HMCN2: variants seen among roughly 807,000 people sequenced by gnomAD.
The protein encoded by HMCN2 is hemicentin 2, also known as hemicentin-2.
A neutral mutation model predicts 377.5 loss-of-function variants in HMCN2; 325 were observed. The observed-to-expected ratio is 0.86, with a 90% CI of 0.79 to 0.94. HMCN2 has a LOEUF of 0.94. Ranked by LOEUF, HMCN2 falls within the 40% of genes least tolerant of loss-of-function variation. The pLI, the probability that HMCN2 is intolerant of heterozygous loss-of-function variation, is 0.00. For missense variants in HMCN2, 4,543 were observed against 4,725.3 expected, an observed-to-expected ratio of 0.96 and a Z score of 1.13; for synonymous variants, 2,007 against 2,046.8, an observed-to-expected ratio of 0.98 and a Z score of 0.53.
In HMCN2 at chr9:130,433,680, C is replaced by A; in HGVS notation, c.15227C>A (p.Pro5076His). 6.7e-7 allele frequency: 1 copy of A among 1,490,722 alleles called. No individual in the cohort carries two copies. The highest frequency in any genetic ancestry group is 8.9e-7 in the Non-Finnish European group (1 of 1,123,926). The allele number at this position is 1,490,722 out of a possible 1,614,324, so 92.3% of individuals were successfully genotyped here. A position where few individuals can be genotyped will look rare whatever the true frequency, so the allele number is the denominator to read the frequency against. The part of the protein sequence containing the change: ...SVFVLLIAVS[P>H]YPY ...TTCGTCTTGCTCATCGCCGTGTCCC[C>A]CTACCCCTACTAAACGGGAGAGGGC... Residue 5076 changes from proline (P) to histidine (H), a missense_variant, in exon 98 of 98, where the codon CCC becomes CAC. Physicochemically the swap from Pro to His is moderately conservative, Grantham distance 77. Transcript: ENST00000683500.
chr9:130,413,671 C>G (rs559907281), intron 85 of HMCN2, among the ~76,000 whole-genome samples: 122 of 152,208 alleles, frequency 8.0e-4, no homozygotes, highest in African/African-American at 2.7e-3. Flanking sequence ...TCCCTTATAT[C>G]CTGGGCCGCA....
intron 6 of HMCN2, among the ~76,000 whole-genome samples, chr9:130,296,266 C>T (rs1554932040): frequency 2.0e-5 from 3 of 152,216 alleles, no homozygotes; most frequent in African/African-American, 7.2e-5. Flanking sequence ...TATTGAGCAC[C>T]TTCTGCAGGC....
At position 130,403,893 on chromosome 9, in the gene HMCN2, G is replaced by T. The variant is rs758466268; in HGVS notation, c.12148+18G>T. On this transcript the variant is annotated intron_variant, in intron 80 of 97. Transcript: ENST00000683500. ...GGTGCAAGGTGGGAGTGAGGACGGG[G>T]CCGAGGTGGGCCCTGGCAACTGAGG... The T allele has an allele frequency of 2.3e-6, 3 of 1,284,248 alleles. No homozygotes were observed. 79.6% of individuals were successfully genotyped at this position (1,284,248 alleles called of 1,614,324 possible).
Position 130,393,693 on chromosome 9 carries a change from G to A in HMCN2, c.10235-49G>A, listed in dbSNP as rs1417328974. The A allele has an allele frequency of 8.3e-7, 1 of 1,203,926 alleles. No homozygotes were observed. The highest frequency in any genetic ancestry group is 6.0e-5 in the East Asian group (1 of 16,670). The allele number at this position is 1,203,926 out of a possible 1,614,324, so 74.6% of individuals were successfully genotyped here. A position where few individuals can be genotyped will look rare whatever the true frequency, so the allele number is the denominator to read the frequency against. On this transcript the variant is annotated intron_variant, in intron 67 of 97. Transcript: ENST00000683500. The surrounding 1 kb of genome is among the most constrained non-coding windows in gnomAD (Gnocchi z 5.2). ...GATGTCTAAGCTGAGTACTGGAGAT[G>A]AGAGTCCTGGAATAAAATGGTTCCT...
At position 130,327,460 on chromosome 9, in the gene HMCN2, C is replaced by G. The variant is rs1167172643; in HGVS notation, c.3344C>G (p.Pro1115Arg). The G allele has an allele frequency of 1.3e-5, 2 of 152,256 alleles. No individual in the cohort carries two copies. The highest frequency in any genetic ancestry group is 2.9e-5 in the Non-Finnish European group (2 of 68,086). 9.4% of individuals were successfully genotyped at this position (152,256 alleles called of 1,614,324 possible). A position where few individuals can be genotyped will look rare whatever the true frequency, so the allele number is the denominator to read the frequency against. Residue 1115 changes from proline to arginine, a missense_variant, in exon 22 of 98, where the codon CCG becomes CGG. This residue lies in a region of HMCN2 where 547 missense variants were observed against 189.9 expected (regional missense o/e 2.88). Transcript: ENST00000683500. ...TGGACGAAGGACTCCCGCCCTGTAC[C>G]GCCCATCACCAACAGGTAACCCCAG... The part of the protein sequence containing the change: ...VTWTKDSRPV[P>R]PITNRYGLLP...
intron 46 of HMCN2, 95 bp downstream of exon 46, chr9:130,371,226 T>G (rs1263614778): frequency 8.5e-5 from 60 of 703,224 alleles, no homozygotes; most frequent in Non-Finnish European, 9.6e-5. Flanking sequence ...GACTCTGAGC[T>G]GCCAGGCCTG....
At chr9:130,274,974 A>G (rs1363834858) in intron 1 of HMCN2, among the ~76,000 whole-genome samples, 3 of 152,256 alleles carry the variant, frequency 2.0e-5, no homozygotes, top group African/African-American at 4.8e-5. Flanking sequence ...ATTCCCAGAG[A>G]TAAAATTGCT....
Position 130,265,780 on chromosome 9 carries a change from G to A in HMCN2, c.-99G>A. On this transcript the variant is annotated 5_prime_UTR_variant, in exon 1 of 98. Coordinates refer to ENST00000683500, the MANE Select transcript of HMCN2 (RefSeq NM_001291815.2). ...CTCGCGCACTGGCCGCGGCCCGACG[G>A]AGCAAGGCACTGCCTGCAGCCGCCG... 3.8e-6 allele frequency: 1 copy of A among 261,930 alleles called. No homozygotes were observed. The highest frequency in any genetic ancestry group is 7.4e-6 in the Non-Finnish European group (1 of 134,338). The allele number at this position is 261,930 out of a possible 1,614,324, so 16.2% of individuals were successfully genotyped here. A position where few individuals can be genotyped will look rare whatever the true frequency, so the allele number is the denominator to read the frequency against.
In HMCN2 at chr9:130,394,415, C is replaced by T. The variant is rs1475955169; in HGVS notation, c.10532C>T (p.Pro3511Leu). The T allele has an allele frequency of 7.8e-7, 1 of 1,289,702 alleles. No homozygotes were observed. Among genetic ancestry groups the T allele is most frequent in the East Asian group, 5.6e-5 (1 of 18,014 alleles). The allele number at this position is 1,289,702 out of a possible 1,614,324, so 79.9% of individuals were successfully genotyped here. Residue 3511 changes from proline (P) to leucine (L), a missense_variant, in exon 69 of 98, where the codon CCT becomes CTT. Around this residue, in one of 5 missense-constraint regions of HMCN2, gnomAD observed 1,073 missense variants for 1,319.5 expected, o/e 0.81. Coordinates refer to ENST00000683500, the MANE Select transcript of HMCN2 (RefSeq NM_001291815.2). The surrounding 1 kb of genome is among the most constrained non-coding windows in gnomAD (Gnocchi z 5.1). ...CCTCACATTGAGGACTCAGGCCAGC[C>T]TACAGAGCTGTCGCTGACCCCCGGC... ...EPPHIEDSGQ[P>L]TELSLTPGAP...
rs1554938354 is a variant in HMCN2, at chr9:130,309,940, G to A, written c.2229G>A (p.Glu743=). The A allele has an allele frequency of 3.8e-6, 2 of 522,610 alleles. No individual in the cohort carries two copies. Among genetic ancestry groups the A allele is most frequent in the South Asian group, 2.9e-5 (2 of 69,372 alleles). The allele number at this position is 522,610 out of a possible 1,614,324, so 32.4% of individuals were successfully genotyped here. The part of the protein sequence containing the change: ...RGGLEMILAP[E]GSSSGKLRIP... ...GTCTTGAAATGATCCTGGCCCCTGA[G>A]GGCTCCAGCTCTGGGAAGCTGCGGA... The change falls in exon 15 of 98, where the codon GAG becomes GAA. Residue 743 remains glutamate, a synonymous_variant. Transcript: ENST00000683500.
intron 74 of HMCN2, among the ~76,000 whole-genome samples, chr9:130,398,178 A>T (rs13302740): frequency 6.7e-6 from 1 of 148,372 alleles, no homozygotes; most frequent in South Asian, 2.1e-4. Flanking sequence ...AAAAAAAAAA[A>T]GTAAAACATG....
intron 77 of HMCN2, among the ~76,000 whole-genome samples, 186 bp from the exon 78 acceptor site, chr9:130,402,603 T>G (rs1170265116): frequency 1.3e-5 from 2 of 152,338 alleles, no homozygotes; most frequent in African/African-American, 2.4e-5. Flanking sequence ...GTCTCTGCTT[T>G]GGGCAGGGCA....
In HMCN2 at chr9:130,418,987, G is replaced by A. The variant is rs762194186; in HGVS notation, c.13177G>A (p.Val4393Ile). 2.5e-5 allele frequency: 38 copies of A among 1,509,796 alleles called. No homozygotes were observed. The highest frequency in any genetic ancestry group is 2.2e-5 in the Admixed American group (1 of 45,796). 93.5% of individuals were successfully genotyped at this position (1,509,796 alleles called of 1,614,324 possible). ...ETGDAGTYDC[V>I]AHNLLGSATA... is the part of the protein sequence containing the mutation. Reference sequence around the variant, plus strand: ...TGGGGATGCAGGCACCTACGACTGCGTCGCTCACAACCTCCTGGGCTCTGC... The same window carrying A: ...TGGGGATGCAGGCACCTACGACTGCATCGCTCACAACCTCCTGGGCTCTGC... The change falls in exon 86 of 98, where the codon GTC becomes ATC. Residue 4393 changes from valine (V) to isoleucine (I), a missense_variant. Val to Ile is a conservative substitution (Grantham distance 29). This residue lies in a region of HMCN2 where 1,155 missense variants were observed against 1,157.7 expected (regional missense o/e 1.00). Coordinates refer to ENST00000683500, the MANE Select transcript of HMCN2 (RefSeq NM_001291815.2).
At chr9:130,283,412 A>T (rs1398099969) in intron 1 of HMCN2, among the ~76,000 whole-genome samples, 1 of 51,644 alleles carries the variant, frequency 1.9e-5, no homozygotes, top group Non-Finnish European at 4.1e-5. Context: ...ACCTCCTCCC[A>T]CCCCCAACCC....
chr9:130,283,267 TA>T lies in HMCN2; in HGVS notation c.260-1324del, dbSNP rs1194514595. 2.5e-4 allele frequency among the ~76,000 whole-genome samples: 37 copies of T among 149,734 alleles called. No individual in the cohort carries two copies. In the East Asian group the frequency reaches 3.3e-3, roughly 13 times the overall value. On this transcript the variant is annotated intron_variant, in intron 1 of 97. Coordinates refer to ENST00000683500, the MANE Select transcript of HMCN2 (RefSeq NM_001291815.2). ...GTGGATCTCCATTACTGCTATTTTT[TA>T]AAAAAAAAAAACTCTTTGTTAGTGA... is the stretch of plus-strand genomic sequence containing the variant.
chr9:130,291,072 G>T (rs1347700905), intron 4 of HMCN2, among the ~76,000 whole-genome samples: 1 of 152,024 alleles, frequency 6.6e-6, no homozygotes, highest in East Asian at 1.9e-4. Context: ...TTTCTACTTG[G>T]GGCTGAATGT....
In HMCN2 at chr9:130,425,136, G is replaced by C. The variant is rs1180427357; in HGVS notation, c.13641+6G>C. 1.3e-6 allele frequency: 2 copies of C among 1,545,722 alleles called. No homozygotes were observed. The highest frequency in any genetic ancestry group is 1.7e-6 in the Non-Finnish European group (2 of 1,144,802). On this transcript the variant is annotated splice_donor_region_variant and intron_variant, in intron 89 of 97. Coordinates refer to ENST00000683500, the MANE Select transcript of HMCN2 (RefSeq NM_001291815.2). The stretch of plus-strand genomic sequence containing the variant: ...ACGCAGATCTTCAAGTGCAGGTCGG[G>C]GGTCAAGCCCTGGGGTGTGCAGACA...
At chr9:130,358,515 A>G in intron 36 of HMCN2, 29 bp downstream of exon 36, 2 of 1,304,328 alleles carry the variant, frequency 1.5e-6, no homozygotes, top group Non-Finnish European at 2.0e-6. Flanking sequence ...AGCAGGGCCC[A>G]GGCCAGCATG....
intron 40 of HMCN2, among the ~76,000 whole-genome samples, chr9:130,364,282 C>A (rs1230688034): frequency 6.6e-6 from 1 of 152,234 alleles, no homozygotes; most frequent in Admixed American, 6.5e-5. Flanking sequence ...GGGCAGGATT[C>A]CACCCCATGA....
Sources: gnomAD v4.1 joint callset for allele counts (sites outside exome capture counted in the v4.1 genomes callset) on GRCh38, gnomAD v4.1.1 for gene constraint, gnomAD v4.1.1 regional missense constraint, Gnocchi (gnomAD v3.1) non-coding constraint, MANE v1.5 for transcripts, NCBI Gene and HGNC (gene_info 2026-07-23, HGNC 2026-07-21) for gene names.